Variants in MYO16 observed in about 807,000 individuals in gnomAD.
MYO16 encodes unconventional myosin-XVI.
A neutral mutation model predicts 205.3 loss-of-function variants in MYO16; 94 were observed. That is an observed-to-expected ratio of 0.46 (90% confidence interval 0.39 to 0.54). The LOEUF (loss-of-function observed/expected upper bound fraction) is 0.54, where lower values mean the gene tolerates loss of function less well. MYO16 is among the 20% of genes least tolerant of loss of function. The pLI is 0.00. For synonymous variants in MYO16, 988 were observed against 954.0 expected, an observed-to-expected ratio of 1.04 and a Z score of -0.66; for missense variants, 2,315 against 2,387.5, an observed-to-expected ratio of 0.97 and a Z score of 0.63.
At position 108,631,295 on chromosome 13, in the gene MYO16, C is replaced by T. The variant is rs1398218798; in HGVS notation, c.28+1423C>T. Among the ~76,000 whole-genome samples the T allele has an allele frequency of 2.0e-5, 3 of 152,168 alleles. No individual in the cohort carries two copies. In the South Asian group the frequency reaches 6.2e-4, roughly 32 times the overall value. The stretch of plus-strand genomic sequence containing the variant: ...CACCTGGTGGAGGGCAGCCATGGAG[C>T]ATGGGTGGAAGCACAAAGGGACAGT... On this transcript the variant is annotated intron_variant, in intron 1 of 34. Transcript: ENST00000457511.
intron 27 of MYO16, among the ~76,000 whole-genome samples, chr13:109,081,966 G>A (rs916765257): frequency 4.6e-5 from 7 of 152,086 alleles, no homozygotes; most frequent in Admixed American, 1.3e-4. Context: ...ATTGTTACAC[G>A]TCCATACCCA....
At chr13:109,065,561 TG>T in intron 27 of MYO16, 2 of 474,050 alleles carry the variant, frequency 4.2e-6, no homozygotes, top group Non-Finnish European at 8.2e-6. Context: ...TTTAAAAAAC[TG>T]CTTTGAAAAG....
chr13:108,904,986 T>A (rs939887393), intron 15 of MYO16, among the ~76,000 whole-genome samples: 4 of 152,228 alleles, frequency 2.6e-5, no homozygotes, highest in Non-Finnish European at 5.9e-5. Flanking sequence ...GTCTTCATTC[T>A]TATCAAATAA....
chr13:108,640,341 A>G (rs1246135887), intron 1 of MYO16, among the ~76,000 whole-genome samples: 3 of 152,110 alleles, frequency 2.0e-5, no homozygotes, highest in Non-Finnish European at 4.4e-5. Flanking sequence ...GCCATTAGTG[A>G]TGTAGACGTA....
intron 27 of MYO16, among the ~76,000 whole-genome samples, chr13:109,099,175 A>G (rs1888874119): frequency 1.3e-5 from 2 of 152,196 alleles, no homozygotes; most frequent in Admixed American, 1.3e-4. Context: ...GCAGCTCCTG[A>G]GCCAAATGCA....
upstream of MYO16, among the ~76,000 whole-genome samples, chr13:108,628,665 C>T (rs563983985): frequency 1.3e-3 from 193 of 152,190 alleles, 1 homozygote; most frequent in African/African-American, 4.5e-3. Context: ...GTCATGACCC[C>T]TTGTTGTATA....
At chr13:108,769,503 G>GA (rs1255140129) in intron 4 of MYO16, among the ~76,000 whole-genome samples, 8 of 152,194 alleles carry the variant, frequency 5.3e-5, no homozygotes, top group Admixed American at 4.6e-4. Flanking sequence ...TTTTGACTGA[G>GA]AGGGGGAGGC....
At chr13:108,587,900 A>G in the MYO16 span, among the ~76,000 whole-genome samples, 12 of 145,738 alleles carry the variant, frequency 8.2e-5, no homozygotes, top group African/African-American at 3.1e-4. Context: ...AGAAAAGACA[A>G]ATATATCTGA....
chr13:108,874,263 A>C (rs1264247587), intron 12 of MYO16, among the ~76,000 whole-genome samples: 48 of 152,330 alleles, frequency 3.2e-4, no homozygotes, highest in Non-Finnish European at 4.4e-5. Flanking sequence ...ATCTTAAAAA[A>C]TTAGTAAGAT....
chr13:108,631,488 C>A (rs951141710), intron 1 of MYO16, among the ~76,000 whole-genome samples: 1 of 152,132 alleles, frequency 6.6e-6, no homozygotes, highest in African/African-American at 2.4e-5. Context: ...TGAGATATTT[C>A]TTTTAGCATG....
At chr13:108,636,013 G>GGT (rs920577302) in intron 1 of MYO16, among the ~76,000 whole-genome samples, 1 of 151,916 alleles carries the variant, frequency 6.6e-6, no homozygotes, top group African/African-American at 2.4e-5. Flanking sequence ...GTGGAATTAA[G>GGT]GTGTGTGTGT....
intron 13 of MYO16, among the ~76,000 whole-genome samples, chr13:108,887,481 T>G (rs1049285979): frequency 3.3e-5 from 5 of 152,210 alleles, no homozygotes; most frequent in African/African-American, 1.2e-4. Context: ...TTATTGTAGA[T>G]CACATCACTT....
At position 108,677,336 on chromosome 13, in the gene MYO16, T is replaced by TATATATATATATATGC. The variant is rs1555337955; in HGVS notation, c.292+11201_292+11202insGCATATATATATATAT. Among the ~76,000 whole-genome samples the TATATATATATATATGC allele has an allele frequency of 3.9e-4, 34 of 86,650 alleles. No individual in the cohort carries two copies. The South Asian group carries it at 6.9e-3, about 18-fold the overall frequency. The allele number at this position is 86,650 out of a possible 152,430, so 56.8% of individuals were successfully genotyped here. A position where few individuals can be genotyped will look rare whatever the true frequency, so the allele number is the denominator to read the frequency against. On this transcript the variant is annotated intron_variant, in intron 2 of 34. Transcript: ENST00000457511. ...GCATGTGTGTGTGTGTGTGTGTGTG[T>TATATATATATATATGC]ATATATATATATATATATGCATATA... is the stretch of plus-strand genomic sequence containing the variant.
At chr13:108,776,543 A>G (rs1018399432) in intron 4 of MYO16, among the ~76,000 whole-genome samples, 4 of 152,188 alleles carry the variant, frequency 2.6e-5, no homozygotes, top group African/African-American at 7.2e-5. Flanking sequence ...TATTATGCCA[A>G]TGGGTGTCTG....
chr13:108,587,756 G>T, the MYO16 span, among the ~76,000 whole-genome samples: 2 of 151,948 alleles, frequency 1.3e-5, no homozygotes, highest in Non-Finnish European at 2.9e-5. Flanking sequence ...GGGAATGACC[G>T]CCCAAGCCAT....
intron 31 of MYO16, among the ~76,000 whole-genome samples, chr13:109,131,266 T>C (rs1291071787): frequency 6.6e-6 from 1 of 152,226 alleles, no homozygotes; most frequent in Non-Finnish European, 1.5e-5. Flanking sequence ...TGAAAGGAGA[T>C]CTGATCGGAG....
intron 23 of MYO16, among the ~76,000 whole-genome samples, chr13:109,038,568 CT>C (rs1051898167): frequency 2.0e-5 from 3 of 152,050 alleles, no homozygotes; most frequent in Non-Finnish European, 2.9e-5. Context: ...GATTGTGGGA[CT>C]TCTCAGCCCC....
intron 23 of MYO16, among the ~76,000 whole-genome samples, chr13:109,023,246 AT>A (rs1886164609): frequency 1.9e-5 from 2 of 106,104 alleles, no homozygotes; most frequent in Admixed American, 2.6e-4. Flanking sequence ...ATATAAATAT[AT>A]ATATTTATAT....
intron 23 of MYO16, among the ~76,000 whole-genome samples, chr13:109,038,433 T>C (rs1383640356): frequency 3.3e-5 from 5 of 152,126 alleles, no homozygotes; most frequent in Admixed American, 6.5e-5. Flanking sequence ...ATCAATCTCC[T>C]GCCCTTGGTA....
Sources: gnomAD v4.1 joint callset for allele counts (sites outside exome capture counted in the v4.1 genomes callset) on GRCh38, gnomAD v4.1.1 for gene constraint, MANE v1.5 for transcripts, NCBI Gene and HGNC (gene_info 2026-07-23, HGNC 2026-07-21) for gene names.